ST6GAL1: variants seen among roughly 807,000 people sequenced by gnomAD.
The protein encoded by ST6GAL1 is ST6 beta-galactoside alpha-2,6-sialyltransferase 1.
Under a neutral mutation model 38.0 loss-of-function variants are expected in ST6GAL1, and 20 were observed. That is an observed-to-expected ratio of 0.53 (90% CI 0.37 to 0.77). The LOEUF (loss-of-function observed/expected upper bound fraction) is 0.77. Among genes scored for constraint, ST6GAL1 ranks in the 30% least tolerant of loss-of-function variants. The pLI, the probability that ST6GAL1 is intolerant of heterozygous loss-of-function variation, is 0.00. For missense variants in ST6GAL1, 432 were observed against 496.4 expected (o/e 0.87, Z 1.23); for synonymous variants, 196 against 188.2 (o/e 1.04, Z -0.34).
At chr3:187,037,909 T>G (rs1008182741) in intron 2 of ST6GAL1, among the ~76,000 whole-genome samples, 1 of 152,156 alleles carries the variant, frequency 6.6e-6, no homozygotes, top group Admixed American at 6.5e-5. Context: ...TTCCTAGTAC[T>G]TTTTCACGTT....
At chr3:186,947,483 CAA>C (rs1714411816) in intron 1 of ST6GAL1, among the ~76,000 whole-genome samples, 1 of 151,944 alleles carries the variant, frequency 6.6e-6, no homozygotes, top group African/African-American at 2.4e-5. Flanking sequence ...TTATGAAACA[CAA>C]AATGTAAAAA....
At chr3:187,003,128 G>T (rs3887352) in intron 2 of ST6GAL1, among the ~76,000 whole-genome samples, 27,820 of 152,062 alleles carry the variant, frequency 0.18, 2,590 homozygotes, top group African/African-American at 0.2. Flanking sequence ...TTGGCCTAAG[G>T]CCTTTCAGTT....
At chr3:187,066,048 T>A in intron 5 of ST6GAL1, among the ~76,000 whole-genome samples, 1 of 152,188 alleles carries the variant, frequency 6.6e-6, no homozygotes, top group Admixed American at 6.5e-5. Context: ...CTCAAGATAC[T>A]GAAAGACAGG....
chr3:187,071,049 T>C (rs996514498), intron 5 of ST6GAL1, among the ~76,000 whole-genome samples: 4 of 152,240 alleles, frequency 2.6e-5, no homozygotes, highest in Non-Finnish European at 5.9e-5. Flanking sequence ...GGCAGATTGC[T>C]TGCTATTCTT....
At chr3:186,953,517 C>T (rs932297763) in intron 1 of ST6GAL1, among the ~76,000 whole-genome samples, 1 of 152,206 alleles carries the variant, frequency 6.6e-6, no homozygotes, top group Non-Finnish European at 1.5e-5. Flanking sequence ...TGCCTGTCTC[C>T]TCCCACCGAC....
intron 4 of ST6GAL1, among the ~76,000 whole-genome samples, chr3:187,048,199 T>G (rs1718373269): frequency 6.6e-6 from 1 of 152,212 alleles, no homozygotes; most frequent in Admixed American, 6.5e-5. Context: ...CACCTTGGCC[T>G]CCCAAAGTGC....
chr3:187,065,789 T>C (rs1719084183), intron 5 of ST6GAL1, among the ~76,000 whole-genome samples: 1 of 152,212 alleles, frequency 6.6e-6, no homozygotes, highest in African/African-American at 2.4e-5. Context: ...GAAATAATAG[T>C]TGATGCCATT....
intron 2 of ST6GAL1, among the ~76,000 whole-genome samples, chr3:186,993,528 T>C (rs934449454): frequency 3.3e-5 from 5 of 152,166 alleles, no homozygotes; most frequent in Admixed American, 3.3e-4. Context: ...AGTTTTTCTC[T>C]GCTTCTCAGT....
At chr3:187,072,118 C>T (rs1031279276) in intron 5 of ST6GAL1, 6 of 152,258 alleles carry the variant, frequency 3.9e-5, no homozygotes, top group Admixed American at 1.3e-4. Context: ...GCAGGTATAA[C>T]TACCCATGTG....
In ST6GAL1 at chr3:187,078,481, A is replaced by G. The variant is rs996676770; in HGVS notation, c.*2678A>G. On this transcript the variant is annotated 3_prime_UTR_variant, in exon 8 of 8. Coordinates refer to ENST00000169298, the MANE Select transcript of ST6GAL1 (RefSeq NM_173216.2). ...TGGAGTTGAGATATCAGTCTCGGAA[A>G]CTTCTGAAAAATGCTAATAATTACC... is the stretch of plus-strand genomic sequence containing the variant. 2.0e-5 allele frequency: 3 copies of G among 152,228 alleles called. No individual in the cohort carries two copies. The highest frequency in any genetic ancestry group is 4.8e-5 in the African/African-American group (2 of 41,466). The allele number at this position is 152,228 out of a possible 1,614,324, so 9.4% of individuals were successfully genotyped here.
In ST6GAL1 at chr3:187,075,503, G is replaced by C; in HGVS notation, c.980-59G>C. The stretch of plus-strand genomic sequence containing the variant: ...CATGAGCTGCTGAACCCACTGGGCA[G>C]AGCTCTGGGGTGCTGGGGTGGGTTG... On this transcript the variant is annotated intron_variant, in intron 7 of 7. Transcript: ENST00000169298. The surrounding 1 kb of genome is among the most constrained non-coding windows in gnomAD (Gnocchi z 4.1). The C allele has an allele frequency of 6.3e-7, 1 of 1,594,088 alleles. No homozygotes were observed.
rs1715392889 is a variant in ST6GAL1, at chr3:186,972,748, G to T, written c.-183+8822G>T. Among the ~76,000 whole-genome samples the T allele has an allele frequency of 1.3e-5, 2 of 152,138 alleles. 1 individual carries two copies. The highest frequency in any genetic ancestry group is 4.1e-4 in the South Asian group (2 of 4,834). ...CTCTTCACTGACGAACTGGGGTAAG[G>T]CACATACTCCCTGTTTGATTTCAGT... is the stretch of plus-strand genomic sequence containing the variant. On this transcript the variant is annotated intron_variant, in intron 2 of 7. Transcript: ENST00000169298.
intron 2 of ST6GAL1, among the ~76,000 whole-genome samples, chr3:187,024,520 A>AGAGAGT (rs1201426393): frequency 7.2e-6 from 1 of 138,730 alleles, no homozygotes; most frequent in Non-Finnish European, 1.6e-5. Flanking sequence ...AGAGAGAGAG[A>AGAGAGT]GAGTATATGT....
chr3:187,022,746 G>T (rs1253846764), intron 2 of ST6GAL1, among the ~76,000 whole-genome samples: 1 of 152,182 alleles, frequency 6.6e-6, no homozygotes, highest in South Asian at 2.1e-4. Context: ...ATATGTCAAA[G>T]AAATGTATTT....
In ST6GAL1 at chr3:186,947,893, C is replaced by T. The variant is rs1028235475; in HGVS notation, c.-324-15892C>T. Among the ~76,000 whole-genome samples, 4 of 152,230 alleles carry T rather than the reference C, an allele frequency of 2.6e-5. No individual in the cohort carries two copies. In the South Asian group the frequency reaches 8.3e-4, roughly 31 times the overall value. ...CTGAGAGCATACATCTGTTCAAGCA[C>T]CCACAGGTGTCTGTGAAAATGTTCA... On this transcript the variant is annotated intron_variant, in intron 1 of 7. Coordinates refer to ENST00000169298, the MANE Select transcript of ST6GAL1 (RefSeq NM_173216.2).
chr3:186,945,757 C>T lies in ST6GAL1; in HGVS notation c.-325+14923C>T, dbSNP rs140726375. ...ATCTCAGCACTTTGGGAGGCCAAGG[C>T]GGGTGGATCACGAGATCAGGAGATC... is the stretch of plus-strand genomic sequence containing the variant. On this transcript the variant is annotated intron_variant, in intron 1 of 7. Coordinates refer to ENST00000169298, the MANE Select transcript of ST6GAL1 (RefSeq NM_173216.2). 4.8e-3 allele frequency among the ~76,000 whole-genome samples: 711 copies of T among 146,866 alleles called. 2 individuals are homozygous for T. The highest frequency in any genetic ancestry group is 0.017 in the African/African-American group (685 of 39,830).
chr3:187,065,870 C>G (rs1451703893), intron 5 of ST6GAL1, among the ~76,000 whole-genome samples: 1 of 152,188 alleles, frequency 6.6e-6, no homozygotes, highest in Non-Finnish European at 1.5e-5. Context: ...ATGGCAAACC[C>G]TGTGAGGTAT....
At chr3:187,046,697 A>G (rs1224282471) in intron 4 of ST6GAL1, among the ~76,000 whole-genome samples, 1 of 152,220 alleles carries the variant, frequency 6.6e-6, no homozygotes. Flanking sequence ...ATAAGGACTG[A>G]GAAGACACCT....
chr3:187,001,833 G>A (rs529121022), intron 2 of ST6GAL1, among the ~76,000 whole-genome samples: 2 of 152,042 alleles, frequency 1.3e-5, no homozygotes, highest in African/African-American at 2.4e-5. Flanking sequence ...GCGCGCGCCT[G>A]TAATCCCAGC....
Sources: gnomAD v4.1 joint callset for allele counts (sites outside exome capture counted in the v4.1 genomes callset) on GRCh38, gnomAD v4.1.1 for gene constraint, Gnocchi (gnomAD v3.1) non-coding constraint, MANE v1.5 for transcripts, NCBI Gene and HGNC (gene_info 2026-07-23, HGNC 2026-07-21) for gene names.